The following RNF216 variants were observed in gnomAD, a reference collection of about 807,000 sequenced individuals.
RNF216 encodes the protein ring finger protein 216, also known as E3 ubiquitin-protein ligase RNF216.
A neutral mutation model predicts 110.8 loss-of-function variants in RNF216; 72 were observed. The ratio of observed to expected loss-of-function variants is 0.65; its 90% confidence interval spans 0.54 to 0.79. RNF216 has a LOEUF of 0.79. Ranked by LOEUF, RNF216 falls within the 30% of genes least tolerant of loss-of-function variation. The pLI is 0.00. For synonymous variants in RNF216, 495 were observed against 407.5 expected, an observed-to-expected ratio of 1.21 and a Z score of -2.59; for missense variants, 1,342 against 1,141.2, an observed-to-expected ratio of 1.18 and a Z score of -2.54.
chr7:5,676,312 T>C (rs1364514900), intron 13 of RNF216, among the ~76,000 whole-genome samples: 11 of 152,322 alleles, frequency 7.2e-5, no homozygotes, highest in East Asian at 1.9e-4. Flanking sequence ...CCTCAAGTTC[T>C]TTCCATGCCA....
At chr7:5,740,105 T>G (rs1373975251) in intron 4 of RNF216, among the ~76,000 whole-genome samples, 2 of 376 alleles carry the variant, frequency 5.3e-3, no homozygotes, top group African/African-American at 7.9e-3. Flanking sequence ...ATGTAACACC[T>G]TTTTTTTTTT....
chr7:5,670,888 C>T (rs904361521), intron 13 of RNF216, among the ~76,000 whole-genome samples: 2 of 152,134 alleles, frequency 1.3e-5, no homozygotes, highest in African/African-American at 2.4e-5. Flanking sequence ...GAGGGTCCAC[C>T]CTGGGAAGGC....
intron 2 of RNF216, among the ~76,000 whole-genome samples, chr7:5,756,107 C>G (rs570379939): frequency 2.6e-4 from 35 of 134,420 alleles, no homozygotes; most frequent in Admixed American, 1.1e-3. Flanking sequence ...ATTCTGCTCT[C>G]GTGATAGTGA....
intron 14 of RNF216, chr7:5,649,936 C>T (rs1294122637): frequency 6.6e-6 from 1 of 152,200 alleles, no homozygotes; most frequent in African/African-American, 2.4e-5. Flanking sequence ...CAGTGAGGAC[C>T]TTGATTATGT....
chr7:5,705,701 G>A (rs1056541584), intron 13 of RNF216, among the ~76,000 whole-genome samples: 1 of 152,096 alleles, frequency 6.6e-6, no homozygotes, highest in African/African-American at 2.4e-5. Context: ...CTGAGGTCAG[G>A]AGTTCGAGAC....
At chr7:5,688,974 G>A (rs1195776855) in intron 13 of RNF216, among the ~76,000 whole-genome samples, 1 of 152,176 alleles carries the variant, frequency 6.6e-6, no homozygotes, top group Non-Finnish European at 1.5e-5. Flanking sequence ...ACTAGGTAAA[G>A]GAAATACTCC....
chr7:5,638,136 C>A (rs1004182754), intron 15 of RNF216, among the ~76,000 whole-genome samples: 2 of 152,196 alleles, frequency 1.3e-5, no homozygotes, highest in African/African-American at 2.4e-5. Context: ...CTACCACCTG[C>A]CCCTGTGGTA....
rs1475700298 is a variant in RNF216, at chr7:5,747,789, GA to G, written c.201+5056del. Among the ~76,000 whole-genome samples the G allele has an allele frequency of 9.1e-5, 10 of 109,340 alleles. No individual in the cohort carries two copies. The East Asian group carries it at 1.8e-3, about 20-fold the overall frequency. The allele number at this position is 109,340 out of a possible 152,430, so 71.7% of individuals were successfully genotyped here. A position where few individuals can be genotyped will look rare whatever the true frequency, so the allele number is the denominator to read the frequency against. On this transcript the variant is annotated intron_variant, in intron 3 of 16. Coordinates refer to ENST00000389902, the MANE Select transcript of RNF216 (RefSeq NM_207111.4). ...AAAAAAAAAAAAGGGGAAAAAAAAA[GA>G]AAAAATAAATAATAACTAGATACAA...
chr7:5,721,954 G>A (rs1223761436), intron 8 of RNF216, among the ~76,000 whole-genome samples: 4 of 152,200 alleles, frequency 2.6e-5, no homozygotes, highest in Admixed American at 2.0e-4. Flanking sequence ...ACAGAGCCTT[G>A]CTCTGCTGCT....
At position 5,696,969 on chromosome 7, in the gene RNF216, C is replaced by T. The variant is rs955435348; in HGVS notation, c.2061+14792G>A. Reference sequence around the variant, plus strand: ...AAGCAGCATGTGATCCCACTGTGTCCCTCCATTACGCCAGCAACAGCTCCA... The same window carrying T: ...AAGCAGCATGTGATCCCACTGTGTCTCTCCATTACGCCAGCAACAGCTCCA... On this transcript the variant is annotated intron_variant, in intron 13 of 16. Coordinates refer to ENST00000389902, the MANE Select transcript of RNF216 (RefSeq NM_207111.4). The surrounding 1 kb of genome is among the most constrained non-coding windows in gnomAD (Gnocchi z 5.4). 1.3e-5 allele frequency among the ~76,000 whole-genome samples: 2 copies of T among 152,152 alleles called. No individual in the cohort carries two copies. The highest frequency in any genetic ancestry group is 4.8e-5 in the African/African-American group (2 of 41,422).
chr7:5,633,169 G>C (rs1030795951), intron 15 of RNF216, among the ~76,000 whole-genome samples: 1 of 151,872 alleles, frequency 6.6e-6, no homozygotes, highest in Non-Finnish European at 1.5e-5. Flanking sequence ...AGTAGAGACG[G>C]GGTTTCACCA....
intron 9 of RNF216, among the ~76,000 whole-genome samples, chr7:5,719,092 G>A (rs563444798): frequency 2.6e-5 from 4 of 152,242 alleles, no homozygotes; most frequent in African/African-American, 9.6e-5. Context: ...TCAGAGAAAA[G>A]AAAGTTGGCA....
intron 1 of RNF216, among the ~76,000 whole-genome samples, chr7:5,771,732 G>A (rs1796504332): frequency 6.6e-6 from 1 of 152,208 alleles, no homozygotes; most frequent in Non-Finnish European, 1.5e-5. Flanking sequence ...GAGAGGTGGA[G>A]GTTGCAGTAG....
At chr7:5,755,672 T>C (rs898133894) in intron 2 of RNF216, among the ~76,000 whole-genome samples, 4 of 152,246 alleles carry the variant, frequency 2.6e-5, no homozygotes, top group African/African-American at 9.6e-5. Context: ...ACTATATGAA[T>C]ATAACATAAA....
chr7:5,640,378 C>T (rs1204067475), intron 15 of RNF216, among the ~76,000 whole-genome samples: 1 of 152,168 alleles, frequency 6.6e-6, no homozygotes, highest in Non-Finnish European at 1.5e-5. Context: ...CTAGTGTGAC[C>T]TGGGAAACAT....
chr7:5,742,702 T>C (rs1202419965), intron 3 of RNF216, among the ~76,000 whole-genome samples: 2 of 148,534 alleles, frequency 1.3e-5, no homozygotes, highest in African/African-American at 5.0e-5. Flanking sequence ...TTCAAGCAAT[T>C]ATCCTGCCAC....
Position 5,623,040 on chromosome 7 carries a change from G to C in RNF216, c.2592C>G (p.Phe864Leu), listed in dbSNP as rs150494013. 2 of 1,614,074 alleles carry C rather than the reference G, an allele frequency of 1.2e-6. No homozygotes were observed. The highest frequency in any genetic ancestry group is 4.5e-5 in the East Asian group (2 of 44,872). Residue 864 changes from phenylalanine (F) to leucine (L), a missense_variant, in exon 17 of 17, where the codon TTC becomes TTG. By Grantham distance (22) the Phe-to-Leu change is conservative (BLOSUM62 0). Transcript: ENST00000389902. The part of the protein sequence containing the change: ...MPPYAFAHPP[F>L]PLPPVRPVFN... The stretch of plus-strand genomic sequence containing the variant: ...ACACAGGCCGCACGGGAGGCAGGGG[G>C]AAGGGTGGGTGCGCGAAGGCATAGG...
intron 1 of RNF216, among the ~76,000 whole-genome samples, chr7:5,778,680 G>A (rs1018903498): frequency 6.6e-6 from 1 of 152,220 alleles, no homozygotes; most frequent in Non-Finnish European, 1.5e-5. Flanking sequence ...CTGAGTTCAA[G>A]TTCCACGCTG....
At chr7:5,629,460 A>G (rs1786920875) in intron 15 of RNF216, among the ~76,000 whole-genome samples, 1 of 141,650 alleles carries the variant, frequency 7.1e-6, no homozygotes, top group African/African-American at 3.1e-5. Context: ...ATCCTGTCTC[A>G]GAAAAAAAAA....
Sources: gnomAD v4.1 joint callset for allele counts (sites outside exome capture counted in the v4.1 genomes callset) on GRCh38, gnomAD v4.1.1 for gene constraint, Gnocchi (gnomAD v3.1) non-coding constraint, MANE v1.5 for transcripts, NCBI Gene and HGNC (gene_info 2026-07-23, HGNC 2026-07-21) for gene names.